ZNF555: variants seen among roughly 807,000 people sequenced by gnomAD.
ZNF555 encodes the protein zinc finger protein 555.
Under a neutral mutation model 14.0 loss-of-function variants are expected in ZNF555, and 10 were observed. The observed-to-expected ratio is 0.72, with a 90% CI of 0.44 to 1.21. The LOEUF is 1.21. Ranked by LOEUF, ZNF555 falls within the 50% of genes most tolerant of loss-of-function variation. The pLI is 0.00. For synonymous variants in ZNF555, 277 were observed against 262.4 expected (o/e 1.06, Z -0.54); for missense variants, 747 against 762.0 (o/e 0.98, Z 0.23).
At position 2,853,978 on chromosome 19, in the gene ZNF555, C is replaced by A; in HGVS notation, c.*26C>A. On this transcript the variant is annotated 3_prime_UTR_variant, in exon 4 of 4. Transcript: ENST00000334241. ...GTTCCTTATCCTGAAAGTGGACACT[C>A]AAGGAGTGTGTCTGTAGTTCATTTG... is the stretch of plus-strand genomic sequence containing the variant. The A allele has an allele frequency of 6.2e-7, 1 of 1,611,188 alleles. No homozygotes were observed. The highest frequency in any genetic ancestry group is 1.1e-5 in the South Asian group (1 of 90,696).
rs201931313 is a variant in ZNF555 at position 2,853,522 on chromosome 19, G to A, written c.1457G>A (p.Gly486Glu). The change falls in exon 4 of 4, where the codon GGG (glycine) becomes GAG (glutamate). Residue 486 changes from glycine (G) to glutamate (E), a missense_variant. Coordinates refer to ENST00000334241, the MANE Select transcript of ZNF555 (RefSeq NM_152791.5). Reference sequence around the variant, plus strand: ...AAATCCTATGAATGCAAGCTATGTGGGAAAGCTTTCTATTGCCACATATCC... The same window carrying A: ...AAATCCTATGAATGCAAGCTATGTGAGAAAGCTTTCTATTGCCACATATCC... The part of the protein sequence containing the change: ...EDKSYECKLC[G>E]KAFYCHISLQ... 6.2e-7 allele frequency: 1 copy of A among 1,614,070 alleles called. No individual in the cohort carries two copies. The highest frequency in any genetic ancestry group is 2.2e-5 in the East Asian group (1 of 44,880).
Position 2,853,958 on chromosome 19 carries a change from T to G in ZNF555, c.*6T>G. The G allele has an allele frequency of 3.7e-6, 6 of 1,613,094 alleles. No homozygotes were observed. Among genetic ancestry groups the G allele is most frequent in the Non-Finnish European group, 5.1e-6 (6 of 1,179,934 alleles). ...ATATGGTGTTGCCTTTATGAGTTCC[T>G]TATCCTGAAAGTGGACACTCAAGGA... On this transcript the variant is annotated 3_prime_UTR_variant, in exon 4 of 4. Transcript: ENST00000334241.
intron 1 of ZNF555, among the ~76,000 whole-genome samples, chr19:2,848,758 A>AT (rs2087603882): frequency 6.6e-6 from 1 of 152,128 alleles, no homozygotes; most frequent in Non-Finnish European, 1.5e-5. Context: ...AGTACCCAGG[A>AT]TTTTTATTGC....
chr19:2,850,746 T>G lies in ZNF555; in HGVS notation c.130+33T>G, dbSNP rs760658938. ...TGACATCATTCCTTCCTTCACGTAG[T>G]TATTGAGAGAACAAGTATTTCTTAC... On this transcript the variant is annotated intron_variant, in intron 2 of 3. Transcript: ENST00000334241. 1.9e-6 allele frequency: 3 copies of G among 1,610,238 alleles called. No individual in the cohort carries two copies. The South Asian group carries it at 3.3e-5, about 18-fold the overall frequency.
In ZNF555 at chr19:2,857,202, A is replaced by G. The variant is rs1464570870; in HGVS notation, c.*3250A>G. On this transcript the variant is annotated 3_prime_UTR_variant, in exon 4 of 4. Transcript: ENST00000334241. ...CATAAGTTTTCATAACGCTCTATAG[A>G]TGAATGTGATTTGGCAGTCACTTGT... 6.6e-6 allele frequency: 1 copy of G among 152,236 alleles called. No individual in the cohort carries two copies. Among genetic ancestry groups the G allele is most frequent in the Non-Finnish European group, 1.5e-5 (1 of 68,044 alleles). 9.4% of individuals were successfully genotyped at this position (152,236 alleles called of 1,614,324 possible).
intron 1 of ZNF555, among the ~76,000 whole-genome samples, chr19:2,849,850 T>C (rs1194650802): frequency 6.6e-6 from 1 of 152,122 alleles, no homozygotes; most frequent in African/African-American, 2.4e-5. Context: ...CACCTCGCTC[T>C]GTGTATACTT....
rs775209166 is a variant in ZNF555 at position 2,853,103 on chromosome 19, G to A, written c.1038G>A (p.Gly346=). 2.5e-6 allele frequency: 4 copies of A among 1,614,166 alleles called. No individual in the cohort carries two copies. The highest frequency in any genetic ancestry group is 3.4e-6 in the Non-Finnish European group (4 of 1,180,026). The stretch of plus-strand genomic sequence containing the variant: ...AACCCTACGAATGCAAACAATGTGG[G>A]AAAACCTTCATTTATCTCCAGTCCT... ...GEKPYECKQC[G]KTFIYLQSFR... The change falls in exon 4 of 4, where the codon GGG becomes GGA. Residue 346 remains glycine (G), a synonymous_variant. Coordinates refer to ENST00000334241, the MANE Select transcript of ZNF555 (RefSeq NM_152791.5).
intron 1 of ZNF555, among the ~76,000 whole-genome samples, chr19:2,849,740 G>A (rs978477330): frequency 1.1e-4 from 16 of 151,426 alleles, no homozygotes; most frequent in East Asian, 1.9e-4. Flanking sequence ...TGCCTGCCGC[G>A]GCCTCCCAAA....
Position 2,859,086 on chromosome 19 carries a change from C to G in ZNF555, c.*5134C>G, listed in dbSNP as rs1301319648. On this transcript the variant is annotated 3_prime_UTR_variant, in exon 4 of 4. Coordinates refer to ENST00000334241, the MANE Select transcript of ZNF555 (RefSeq NM_152791.5). ...ATTGGCCTGCGGGAAGTGGAGTTCC[C>G]GAACAGAAGCCCCTCAGTCTCCGGA... The G allele has an allele frequency of 6.6e-6, 1 of 152,306 alleles. No individual in the cohort carries two copies. The highest frequency in any genetic ancestry group is 2.4e-5 in the African/African-American group (1 of 41,454). 9.4% of individuals were successfully genotyped at this position (152,306 alleles called of 1,614,324 possible).
intron 1 of ZNF555, among the ~76,000 whole-genome samples, chr19:2,841,810 G>C (rs1685658603): frequency 6.6e-6 from 1 of 151,640 alleles, no homozygotes; most frequent in South Asian, 2.1e-4. Context: ...CTGCAGAGCG[G>C]GGAGCGGCGC....
At chr19:2,850,822 A>G (rs1470141878) in intron 2 of ZNF555, 109 bp downstream of exon 2, 1 of 1,367,588 alleles carries the variant, frequency 7.3e-7, no homozygotes, top group Non-Finnish European at 1.0e-6. Flanking sequence ...TAAATTGGTA[A>G]ATAAGACAGA....
At chr19:2,851,142 C>T (rs1349980161) in intron 2 of ZNF555, among the ~76,000 whole-genome samples, 1 of 151,800 alleles carries the variant, frequency 6.6e-6, no homozygotes, top group African/African-American at 2.4e-5. Flanking sequence ...GGATTACAGG[C>T]GAGCGCCACC....
intron 1 of ZNF555, among the ~76,000 whole-genome samples, chr19:2,847,983 AG>A (rs1446734763): frequency 6.6e-6 from 1 of 152,118 alleles, no homozygotes; most frequent in African/African-American, 2.4e-5. Flanking sequence ...CTGCCTCCCC[AG>A]GGTTTACCTA....
At position 2,853,544 on chromosome 19, in the gene ZNF555, A is replaced by G. The variant is rs1385247851; in HGVS notation, c.1479A>G (p.Ile493Met). ...GTGGGAAAGCTTTCTATTGCCACAT[A>G]TCCTTACAAAAACATATGAGAAGAC... is the stretch of plus-strand genomic sequence containing the variant. ...KLCGKAFYCH[I>M]SLQKHMRRHT... Residue 493 changes from isoleucine (I) to methionine (M), a missense_variant, in exon 4 of 4, where the codon ATA becomes ATG. Ile to Met is a conservative substitution (Grantham distance 10, BLOSUM62 1). Transcript: ENST00000334241. The G allele has an allele frequency of 2.5e-6, 4 of 1,611,062 alleles. No homozygotes were observed. In the African/African-American group the frequency reaches 4.0e-5, roughly 16 times the overall value.
In ZNF555 at chr19:2,850,649, T is replaced by G; in HGVS notation, c.66T>G (p.Asp22Glu). 6.2e-7 allele frequency: 1 copy of G among 1,614,074 alleles called. No individual in the cohort carries two copies. Among genetic ancestry groups the G allele is most frequent in the South Asian group, 1.1e-5 (1 of 91,084 alleles). ...DFTLEEWALLDSAQRDLYRDV... is the reference protein window; with the variant it reads ...DFTLEEWALLESAQRDLYRDV... The stretch of plus-strand genomic sequence containing the variant: ...CCCTGGAGGAGTGGGCTTTGCTGGA[T>G]TCTGCTCAGAGGGACCTCTACAGAG... The change falls in exon 2 of 4, where the codon GAT becomes GAG. Residue 22 changes from aspartate (D) to glutamate (E), a missense_variant. Coordinates refer to ENST00000334241, the MANE Select transcript of ZNF555 (RefSeq NM_152791.5).
Position 2,853,159 on chromosome 19 carries a change from A to C in ZNF555, c.1094A>C (p.Glu365Ala). Residue 365 changes from glutamate (E) to alanine (A), a missense_variant, in exon 4 of 4, where the codon GAG becomes GCG. Coordinates refer to ENST00000334241, the MANE Select transcript of ZNF555 (RefSeq NM_152791.5). ...AGACATGAAAGGATTCACACTGGAG[A>C]GAAACCCTACGAATGCAAACAGTGT... Reference protein sequence around the residue: ...FRRHERIHTGEKPYECKQCGK... With the variant: ...FRRHERIHTGAKPYECKQCGK... 6.2e-7 allele frequency: 1 copy of C among 1,614,208 alleles called. No individual in the cohort carries two copies. The highest frequency in any genetic ancestry group is 1.6e-4 in the Middle Eastern group (1 of 6,062).
At chr19:2,850,323 C>T (rs1001301210) in intron 1 of ZNF555, among the ~76,000 whole-genome samples, 1 of 152,162 alleles carries the variant, frequency 6.6e-6, no homozygotes, top group Non-Finnish European at 1.5e-5. Context: ...TTTGATATCT[C>T]CAATGTGGTC....
Position 2,853,308 on chromosome 19 carries a change from A to C in ZNF555, c.1243A>C (p.Met415Leu). Residue 415 changes from methionine (M) to leucine (L), a missense_variant, in exon 4 of 4, where the codon ATG (methionine) becomes CTG (leucine). Coordinates refer to ENST00000334241, the MANE Select transcript of ZNF555 (RefSeq NM_152791.5). ...FSHPSSFRGHMRVHTGEKPYE... is the reference protein window; with the variant it reads ...FSHPSSFRGHLRVHTGEKPYE... Reference sequence around the variant, plus strand: ...TCACCCCTCCTCCTTTCGAGGACACATGAGGGTGCACACTGGAGAGAAACC... The same window carrying C: ...TCACCCCTCCTCCTTTCGAGGACACCTGAGGGTGCACACTGGAGAGAAACC... 2 of 1,613,904 alleles carry C rather than the reference A, an allele frequency of 1.2e-6. No homozygotes were observed. The highest frequency in any genetic ancestry group is 1.7e-6 in the Non-Finnish European group (2 of 1,179,946).
chr19:2,849,298 G>A (rs988569774), intron 1 of ZNF555, among the ~76,000 whole-genome samples: 1 of 152,028 alleles, frequency 6.6e-6, no homozygotes, highest in Admixed American at 6.6e-5. Context: ...TGAGAGTGCA[G>A]CCTCTAGAGT....
Sources: allele counts gnomAD v4.1 joint callset (sites outside exome capture counted in the v4.1 genomes callset), GRCh38; gene constraint gnomAD v4.1.1; transcripts MANE v1.5; gene names NCBI Gene and HGNC (gene_info 2026-07-23, HGNC 2026-07-21).